The following NRXN3 variants were observed in gnomAD, a reference collection of about 807,000 sequenced individuals.
NRXN3 encodes neurexin III.
Under a neutral mutation model 137.6 loss-of-function variants are expected in NRXN3, and 32 were observed. The ratio of observed to expected loss-of-function variants is 0.23; its 90% CI spans 0.18 to 0.31. NRXN3 has a LOEUF of 0.31. NRXN3 is among the 10% of genes least tolerant of loss of function. NRXN3 has a pLI of 1.00. For missense variants in NRXN3, 1,574 were observed against 2,062.5 expected, an observed-to-expected ratio of 0.76 and a Z score of 4.59; for synonymous variants, 798 against 784.5, an observed-to-expected ratio of 1.02 and a Z score of -0.29.
At chr14:78,482,418 C>G (rs1250204829) in intron 4 of NRXN3, among the ~76,000 whole-genome samples, 1 of 152,112 alleles carries the variant, frequency 6.6e-6, no homozygotes, top group Non-Finnish European at 1.5e-5. Context: ...CAAACTAGAT[C>G]ATATGCTTTG....
intron 4 of NRXN3, among the ~76,000 whole-genome samples, chr14:78,465,770 T>C: frequency 6.6e-6 from 1 of 152,118 alleles, no homozygotes; most frequent in East Asian, 1.9e-4. Flanking sequence ...CTTGACCTCG[T>C]GATCTGCCCG....
chr14:79,456,288 T>A (rs2096255913), intron 15 of NRXN3, among the ~76,000 whole-genome samples: 1 of 152,324 alleles, frequency 6.6e-6, no homozygotes, highest in South Asian at 2.1e-4. Context: ...TTTGCCAATT[T>A]ATTTAAGCAC....
chr14:79,632,487 A>C (rs1394653667), intron 16 of NRXN3: 1 of 152,018 alleles, frequency 6.6e-6, no homozygotes, highest in Non-Finnish European at 1.5e-5. Context: ...TGGAAACAAG[A>C]AGGCCAGAGT....
intron 20 of NRXN3, among the ~76,000 whole-genome samples, chr14:79,828,907 T>C (rs2099314166): frequency 6.6e-6 from 1 of 152,152 alleles, no homozygotes; most frequent in Non-Finnish European, 1.5e-5. Context: ...AAGAAAGAAA[T>C]GTTTCCTCCA....
intron 8 of NRXN3, among the ~76,000 whole-genome samples, chr14:78,777,989 C>T (rs1368656310): frequency 6.6e-6 from 1 of 152,178 alleles, no homozygotes; most frequent in East Asian, 1.9e-4. Flanking sequence ...TCTCAAACCC[C>T]TAGCCTCAAG....
intron 20 of NRXN3, among the ~76,000 whole-genome samples, chr14:79,818,668 T>A (rs757092270): frequency 7.2e-5 from 11 of 152,182 alleles, no homozygotes; most frequent in Non-Finnish European, 1.3e-4. Flanking sequence ...TATCCTCCCT[T>A]TTTCCTCACT....
chr14:79,259,570 TCTATATATAG>T (rs1312261774), intron 15 of NRXN3, among the ~76,000 whole-genome samples: 1 of 148,354 alleles, frequency 6.7e-6, no homozygotes, highest in African/African-American at 2.5e-5. Context: ...TATATAGTTA[TCTATATATAG>T]CTATATATAG....
intron 15 of NRXN3, among the ~76,000 whole-genome samples, chr14:79,127,447 G>T (rs1209390044): frequency 6.6e-6 from 1 of 152,106 alleles, no homozygotes; most frequent in East Asian, 1.9e-4. Context: ...TTTCCCCATT[G>T]CTTGTTTTTC....
intron 4 of NRXN3, among the ~76,000 whole-genome samples, chr14:78,424,682 T>A (rs1428987872): frequency 6.6e-6 from 1 of 152,202 alleles, no homozygotes; most frequent in Non-Finnish European, 1.5e-5. Context: ...CAGGATGAGA[T>A]TTCTAGAGTT....
At chr14:78,521,685 A>G (rs988522313) in intron 4 of NRXN3, among the ~76,000 whole-genome samples, 1 of 152,090 alleles carries the variant, frequency 6.6e-6, no homozygotes, top group African/African-American at 2.4e-5. Flanking sequence ...ACATATAAAA[A>G]CCTTAATTTC....
intron 16 of NRXN3, among the ~76,000 whole-genome samples, chr14:79,536,535 G>A (rs374333912): frequency 5.1e-4 from 77 of 151,730 alleles, no homozygotes; most frequent in African/African-American, 1.6e-3. Flanking sequence ...TTCCATGGTG[G>A]TTTGCAGTAC....
intron 20 of NRXN3, among the ~76,000 whole-genome samples, chr14:79,856,080 T>C (rs1324813061): frequency 6.6e-6 from 1 of 152,182 alleles, no homozygotes; most frequent in African/African-American, 2.4e-5. Flanking sequence ...CTGTAGCCTT[T>C]CCAAATCAAA....
chr14:79,244,445 C>A (rs2074847608), intron 15 of NRXN3, among the ~76,000 whole-genome samples: 1 of 152,124 alleles, frequency 6.6e-6, no homozygotes, highest in Non-Finnish European at 1.5e-5. Context: ...TCCAGTTCAG[C>A]CTCATAACGC....
chr14:78,958,358 T>C (rs61995264), intron 11 of NRXN3, among the ~76,000 whole-genome samples: 9,107 of 150,868 alleles, frequency 0.06, 405 homozygotes, highest in South Asian at 0.11. Context: ...TTTTTCTTTC[T>C]TTCTTTTTTT....
rs1449746259 is a variant in NRXN3, at chr14:79,222,742, CATTGTT to C, written c.3262+234602_3262+234607del. 2.6e-5 allele frequency among the ~76,000 whole-genome samples: 4 copies of C among 151,598 alleles called. No homozygotes were observed. In the East Asian group the frequency reaches 7.8e-4, roughly 30 times the overall value. On this transcript the variant is annotated intron_variant, in intron 15 of 20. Transcript: ENST00000335750. The stretch of plus-strand genomic sequence containing the variant: ...TACTAATTGATGTATAATGGCATCT[CATTGTT>C]GTTTTAATTTGCATTTCCCCAGTGA...
chr14:79,379,024 A>G (rs17109102), intron 15 of NRXN3, among the ~76,000 whole-genome samples: 68,144 of 151,900 alleles, frequency 0.45, 15,616 homozygotes, highest in Middle Eastern at 0.58. Context: ...GTCACTGTGG[A>G]CGATAGATAG....
chr14:79,136,785 A>T lies in NRXN3; in HGVS notation c.3262+148644A>T, dbSNP rs945261607. Among the ~76,000 whole-genome samples the T allele has an allele frequency of 9.9e-5, 15 of 152,210 alleles. 1 individual carries two copies. Among genetic ancestry groups the T allele is most frequent in the African/African-American group, 3.6e-4 (15 of 41,462 alleles). On this transcript the variant is annotated intron_variant, in intron 15 of 20. Transcript: ENST00000335750. ...GGCAAGAATAGAAAAGGAATTCTTA[A>T]GGATATAAAGGCAAAAACGAACACT... is the stretch of plus-strand genomic sequence containing the variant.
chr14:78,941,546 T>A (rs1300422443), intron 10 of NRXN3, among the ~76,000 whole-genome samples: 2 of 152,206 alleles, frequency 1.3e-5, no homozygotes, highest in African/African-American at 4.8e-5. Context: ...CCATTGGTTA[T>A]GGAGGTCTGA....
chr14:78,329,136 T>C (rs1407793748), intron 4 of NRXN3, among the ~76,000 whole-genome samples: 1 of 152,212 alleles, frequency 6.6e-6, no homozygotes, highest in Non-Finnish European at 1.5e-5. Context: ...AGAGAGCTTC[T>C]GATTCATAGG....
Sources: allele counts gnomAD v4.1 joint callset (sites outside exome capture counted in the v4.1 genomes callset), GRCh38; gene constraint gnomAD v4.1.1; transcripts MANE v1.5; gene names NCBI Gene and HGNC (gene_info 2026-07-23, HGNC 2026-07-21).